EMG1: variants seen among roughly 807,000 people sequenced by gnomAD.
EMG1 encodes EMG1 N1-specific pseudouridine methyltransferase, also known as ribosomal RNA small subunit methyltransferase NEP1.
A neutral mutation model predicts 26.9 loss-of-function variants in EMG1; 24 were observed. The observed-to-expected ratio is 0.89, with a 90% confidence interval of 0.65 to 1.26. EMG1 has a LOEUF of 1.26. EMG1 is among the 50% of genes most tolerant of loss of function. The pLI is 0.00. For synonymous variants in EMG1, 140 were observed against 112.6 expected (o/e 1.24, Z -1.54); for missense variants, 299 against 307.6 (o/e 0.97, Z 0.21).
At chr12:6,971,406 T>C (rs1220082026) in intron 1 of EMG1, among the ~76,000 whole-genome samples, 1 of 152,008 alleles carries the variant, frequency 6.6e-6, no homozygotes, top group East Asian at 1.9e-4. Flanking sequence ...CTGGAGTAGC[T>C]GGGACTACAG....
chr12:6,971,058 G>A lies in EMG1; in HGVS notation c.135G>A (p.Val45=), dbSNP rs782186328. The A allele has an allele frequency of 2.5e-5, 40 of 1,611,492 alleles. No individual in the cohort carries two copies. In the African/African-American group the frequency reaches 4.5e-4, roughly 18 times the overall value. ...GNKIGGRRLI[V]VLEGASLETV... ...AGATCGGAGGCCGTAGGCTTATTGT[G>A]GTGCTGGAAGGGGCCAGTCTGGAGA... Residue 45 remains valine, a synonymous_variant, in exon 1 of 6, where the codon GTG becomes GTA. Coordinates refer to ENST00000599672, the MANE Select transcript of EMG1 (RefSeq NM_006331.8).
chr12:6,975,836 GA>G lies in EMG1; in HGVS notation c.*30del. 2 of 1,312,358 alleles carry G rather than the reference GA, an allele frequency of 1.5e-6. No individual in the cohort carries two copies. The highest frequency in any genetic ancestry group is 2.2e-6 in the Non-Finnish European group (2 of 905,726). 81.3% of individuals were successfully genotyped at this position (1,312,358 alleles called of 1,614,324 possible). ...AGTAGTAGAACCTGTTCTGAAACCAGAAACTGTTGATGTCACATCCTTTGAC... is the reference window on the plus strand; with the variant it reads ...AGTAGTAGAACCTGTTCTGAAACCAGAACTGTTGATGTCACATCCTTTGAC... On this transcript the variant is annotated 3_prime_UTR_variant, in exon 6 of 6. Coordinates refer to ENST00000599672, the MANE Select transcript of EMG1 (RefSeq NM_006331.8).
chr12:6,975,015 G>C lies in EMG1; in HGVS notation c.413-75G>C. On this transcript the variant is annotated intron_variant, in intron 3 of 5. Transcript: ENST00000599672. ...ACAGGGAACTCATCTTATCCATGGG[G>C]TTTTCCTTGTTCGATGACTGGACAG... 6 of 1,438,306 alleles carry C rather than the reference G, an allele frequency of 4.2e-6. No homozygotes were observed. In the South Asian group the frequency reaches 6.9e-5, roughly 16 times the overall value. 89.1% of individuals were successfully genotyped at this position (1,438,306 alleles called of 1,614,324 possible). A position where few individuals can be genotyped will look rare whatever the true frequency, so the allele number is the denominator to read the frequency against.
chr12:6,979,077 C>A lies in EMG1; in HGVS notation c.*3268C>A. ...TTCAAGCCTTTCAGCTGGGCAGGAG[C>A]AAAAGCCAGCACTTCCCCCCTTCCC... is the stretch of plus-strand genomic sequence containing the variant. On this transcript the variant is annotated 3_prime_UTR_variant, in exon 6 of 6. Coordinates refer to ENST00000599672, the MANE Select transcript of EMG1 (RefSeq NM_006331.8). The A allele has an allele frequency of 3.4e-6, 1 of 295,504 alleles. No homozygotes were observed. The highest frequency in any genetic ancestry group is 7.2e-5 in the East Asian group (1 of 13,882). The allele number at this position is 295,504 out of a possible 1,614,324, so 18.3% of individuals were successfully genotyped here.
Position 6,974,915 on chromosome 12 carries a change from C to A in EMG1, c.413-175C>A, listed in dbSNP as rs191745916. ...AGTGAAAGAGGGAGTCTGAACCCATCACTGTACAGCTAGCCATATGCTTGG... is the reference window on the plus strand; with the variant it reads ...AGTGAAAGAGGGAGTCTGAACCCATAACTGTACAGCTAGCCATATGCTTGG... On this transcript the variant is annotated intron_variant, in intron 3 of 5. Coordinates refer to ENST00000599672, the MANE Select transcript of EMG1 (RefSeq NM_006331.8). The A allele has an allele frequency of 1.8e-5, 15 of 811,714 alleles. No individual in the cohort carries two copies. In the African/African-American group the frequency reaches 1.9e-4, roughly 10 times the overall value. 50.3% of individuals were successfully genotyped at this position (811,714 alleles called of 1,614,324 possible). A position where few individuals can be genotyped will look rare whatever the true frequency, so the allele number is the denominator to read the frequency against.
Position 6,979,553 on chromosome 12 carries a change from C to T in EMG1, c.*3744C>T, listed in dbSNP as rs1555153795. On this transcript the variant is annotated 3_prime_UTR_variant, in exon 6 of 6. Coordinates refer to ENST00000599672, the MANE Select transcript of EMG1 (RefSeq NM_006331.8). ...GCCCACTAGGTAGAAAAGGCCCAGACTCAGGCGCTTGAGAGCAGGAATGAT... is the reference window on the plus strand; with the variant it reads ...GCCCACTAGGTAGAAAAGGCCCAGATTCAGGCGCTTGAGAGCAGGAATGAT... The T allele has an allele frequency of 6.2e-7, 1 of 1,614,046 alleles. No homozygotes were observed. The highest frequency in any genetic ancestry group is 1.7e-5 in the Admixed American group (1 of 60,020).
rs1555153405 is a variant in EMG1 at position 6,977,447 on chromosome 12, C to G, written c.*1638C>G. 2.5e-6 allele frequency: 4 copies of G among 1,614,138 alleles called. No individual in the cohort carries two copies. Among genetic ancestry groups the G allele is most frequent in the Non-Finnish European group, 3.4e-6 (4 of 1,180,032 alleles). The stretch of plus-strand genomic sequence containing the variant: ...AAGAGCCAGTGGATGGTCTGTTGCA[C>G]CAAATAGTAGAAGGGCTGGAGGACA... On this transcript the variant is annotated 3_prime_UTR_variant, in exon 6 of 6. Coordinates refer to ENST00000599672, the MANE Select transcript of EMG1 (RefSeq NM_006331.8). This position sits in a 1 kb window ranked among gnomAD's most constrained non-coding sequence, Gnocchi z 4.5.
rs1006543074 is a variant in EMG1, at chr12:6,987,928, C to G, written c.*211+90C>G. The G allele has an allele frequency of 8.3e-5, 33 of 399,640 alleles. No individual in the cohort carries two copies. Among genetic ancestry groups the G allele is most frequent in the Non-Finnish European group, 8.4e-5 (19 of 225,778 alleles). The allele number at this position is 399,640 out of a possible 1,614,324, so 24.8% of individuals were successfully genotyped here. The stretch of plus-strand genomic sequence containing the variant: ...TCCACTTCTTATAGCCTGTCTGTCC[C>G]TTTCCTTGCTACTCTGGGATCAACA... On this transcript the variant is annotated intron_variant and NMD_transcript_variant, in intron 7 of 7. Coordinates refer to the EMG1 transcript ENST00000261406. This position sits in a 1 kb window ranked among gnomAD's most constrained non-coding sequence, Gnocchi z 4.1.
chr12:6,975,414 A>G, intron 5 of EMG1, 36 bp downstream of exon 5: 1 of 1,551,780 alleles, frequency 6.4e-7, no homozygotes. Context: ...TTCTTGGTAG[A>G]GCTGAACTTA....
downstream of EMG1, chr12:6,983,649 A>C (rs1362014517): frequency 3.4e-5 from 24 of 702,030 alleles, no homozygotes; most frequent in South Asian, 1.7e-4. Context: ...GAGAAAAAAA[A>C]AACAACATAC....
downstream of EMG1, chr12:6,983,546 G>C: frequency 9.7e-6 from 15 of 1,552,414 alleles, no homozygotes; most frequent in Non-Finnish European, 1.3e-5. Flanking sequence ...TAACCTAGAT[G>C]GGGGAAAAGA....
downstream of EMG1, among the ~76,000 whole-genome samples, chr12:6,980,395 A>G (rs1336677656): frequency 6.6e-6 from 1 of 152,016 alleles, no homozygotes; most frequent in Non-Finnish European, 1.5e-5. Flanking sequence ...TGTTGCCCAG[A>G]ATGGAGTGCA....
At position 6,975,958 on chromosome 12, in the gene EMG1, A is replaced by C; in HGVS notation, c.*149A>C. ...TGTACATTTGCTATTTGTTTATCCT[A>C]TGAATACTGTTCTTGCAAACCTGGT... On this transcript the variant is annotated 3_prime_UTR_variant, in exon 6 of 6. Coordinates refer to ENST00000599672, the MANE Select transcript of EMG1 (RefSeq NM_006331.8). The C allele has an allele frequency of 3.3e-6, 2 of 606,768 alleles. No individual in the cohort carries two copies. The highest frequency in any genetic ancestry group is 5.9e-6 in the Non-Finnish European group (2 of 339,316). The allele number at this position is 606,768 out of a possible 1,614,324, so 37.6% of individuals were successfully genotyped here. A position where few individuals can be genotyped will look rare whatever the true frequency, so the allele number is the denominator to read the frequency against.
intron 7 of EMG1, among the ~76,000 whole-genome samples, chr12:6,994,242 G>A (rs1555155833): frequency 2.0e-5 from 3 of 152,062 alleles, no homozygotes. Flanking sequence ...GAGTCTCTCT[G>A]TGTTGTCCAG....
At position 6,975,345 on chromosome 12, in the gene EMG1, T is replaced by G. The variant is rs375741608; in HGVS notation, c.588T>G (p.Ile196Met). 1 of 1,606,152 alleles carries G rather than the reference T, an allele frequency of 6.2e-7. No individual in the cohort carries two copies. Among genetic ancestry groups the G allele is most frequent in the East Asian group, 2.2e-5 (1 of 44,750 alleles). The change falls in exon 5 of 6, where the codon ATT becomes ATG. Residue 196 changes from isoleucine (I) to methionine (M), a missense_variant. Physicochemically the swap from Ile to Met is conservative, Grantham distance 10. Coordinates refer to ENST00000599672, the MANE Select transcript of EMG1 (RefSeq NM_006331.8). ...VRELVPSSDP[I>M]VFVVGAFAHG... is the part of the protein sequence containing the mutation. ...AGCTGGTGCCCAGCAGTGATCCTAT[T>G]GTTTTTGTGGTAGGGGCCTTTGCCC... is the stretch of plus-strand genomic sequence containing the variant.
At chr12:6,983,338 C>G, downstream of EMG1, 1 of 783,340 alleles carries the variant, frequency 1.3e-6, no homozygotes, top group Non-Finnish European at 2.2e-6. Flanking sequence ...TATAACTTCC[C>G]TACCTATTAG....
intron 7 of EMG1, among the ~76,000 whole-genome samples, chr12:6,996,643 C>T (rs1459800816): frequency 1.3e-5 from 2 of 152,202 alleles, no homozygotes; most frequent in Admixed American, 6.5e-5. Context: ...TTATTAAGCA[C>T]TCACTATGTG....
Position 6,987,109 on chromosome 12 carries a change from C to T in EMG1, c.*155-673C>T, listed in dbSNP as rs1310470816. Among the ~76,000 whole-genome samples the T allele has an allele frequency of 2.9e-5, 4 of 137,040 alleles. No individual in the cohort carries two copies. Among genetic ancestry groups the T allele is most frequent in the African/African-American group, 1.4e-4 (4 of 28,888 alleles). The allele number at this position is 137,040 out of a possible 152,430, so 89.9% of individuals were successfully genotyped here. ...GCTTGGGCAACGAGCAAGATTCTGT[C>T]TCAAAAAAAAAAGAAAAAAAAGTTT... On this transcript the variant is annotated intron_variant and NMD_transcript_variant, in intron 6 of 7. Coordinates refer to the EMG1 transcript ENST00000261406. The surrounding 1 kb of genome is among the most constrained non-coding windows in gnomAD (Gnocchi z 4.1).
intron 6 of EMG1, among the ~76,000 whole-genome samples, chr12:6,985,931 T>A (rs1946521396): frequency 6.6e-6 from 1 of 151,842 alleles, no homozygotes; most frequent in Admixed American, 6.6e-5. Context: ...CCCGCCACCA[T>A]GCCCAGTGAA....
Sources: gnomAD v4.1 joint callset for allele counts (sites outside exome capture counted in the v4.1 genomes callset) on GRCh38, gnomAD v4.1.1 for gene constraint, Gnocchi (gnomAD v3.1) non-coding constraint, MANE v1.5 for transcripts, NCBI Gene and HGNC (gene_info 2026-07-23, HGNC 2026-07-21) for gene names.